The following SLC16A7 variants were observed in gnomAD, a reference collection of about 807,000 sequenced individuals.
SLC16A7 encodes monocarboxylate transporter 2.
A neutral mutation model predicts 34.9 loss-of-function variants in SLC16A7; 33 were observed. That is an observed-to-expected ratio of 0.94 (90% CI 0.72 to 1.26). SLC16A7 has a LOEUF of 1.26. Among genes scored for constraint, SLC16A7 ranks in the 50% most tolerant of loss-of-function variants. SLC16A7 has a pLI of 0.00. For synonymous variants in SLC16A7, 201 were observed against 206.6 expected (o/e 0.97, Z 0.23); for missense variants, 573 against 578.1 (o/e 0.99, Z 0.09).
At chr12:59,616,169 T>C (rs964757205) in intron 1 of SLC16A7, among the ~76,000 whole-genome samples, 2 of 152,202 alleles carry the variant, frequency 1.3e-5, no homozygotes, top group Non-Finnish European at 2.9e-5. Context: ...AGTAGGTGTT[T>C]TATTGTACAG....
intron 2 of SLC16A7, among the ~76,000 whole-genome samples, chr12:59,682,247 A>G (rs1565646436): frequency 1.3e-5 from 2 of 152,344 alleles, no homozygotes; most frequent in East Asian, 3.9e-4. Context: ...TGCATGAATA[A>G]CAAACTACAT....
chr12:59,650,408 A>G (rs1868322746), intron 1 of SLC16A7, among the ~76,000 whole-genome samples: 1 of 152,142 alleles, frequency 6.6e-6, no homozygotes, highest in Non-Finnish European at 1.5e-5. Context: ...TATTTCTTCT[A>G]ACTGGTATTG....
chr12:59,743,241 A>T (rs1274114286), intron 3 of SLC16A7, among the ~76,000 whole-genome samples: 1 of 152,196 alleles, frequency 6.6e-6, no homozygotes, highest in Admixed American at 6.5e-5. Flanking sequence ...CAAAAGGCAA[A>T]CTTTGTAAAT....
At chr12:59,772,173 C>T (rs1007885452) in intron 4 of SLC16A7, among the ~76,000 whole-genome samples, 4 of 152,106 alleles carry the variant, frequency 2.6e-5, no homozygotes, top group Non-Finnish European at 5.9e-5. Flanking sequence ...TATTTACACT[C>T]ATGTAATCTT....
At chr12:59,760,352 T>C (rs1258171010) in intron 3 of SLC16A7, among the ~76,000 whole-genome samples, 1 of 152,078 alleles carries the variant, frequency 6.6e-6, no homozygotes, top group Non-Finnish European at 1.5e-5. Flanking sequence ...AAGTGACCTA[T>C]AAAAGTGCAG....
intron 3 of SLC16A7, among the ~76,000 whole-genome samples, chr12:59,706,192 A>G (rs1057029624): frequency 6.6e-6 from 1 of 152,182 alleles, no homozygotes; most frequent in African/African-American, 2.4e-5. Context: ...TGACAAAGCC[A>G]GATCTGGCCC....
intron 2 of SLC16A7, among the ~76,000 whole-genome samples, chr12:59,701,126 C>T (rs1872825244): frequency 6.6e-6 from 1 of 151,730 alleles, no homozygotes; most frequent in South Asian, 2.1e-4. Context: ...AAGATCTTCA[C>T]TCATCTTCAT....
chr12:59,776,543 T>C (rs919111162), intron 5 of SLC16A7, among the ~76,000 whole-genome samples: 2 of 152,220 alleles, frequency 1.3e-5, no homozygotes, highest in African/African-American at 4.8e-5. Context: ...GTCAGAGTCA[T>C]TGCCAGGCTA....
Position 59,702,962 on chromosome 12 carries a change from A to C in SLC16A7, c.-30-1810A>C, listed in dbSNP as rs11173117. On this transcript the variant is annotated intron_variant, in intron 2 of 5. Coordinates refer to ENST00000547379, the MANE Select transcript of SLC16A7 (RefSeq NM_001270623.2). The stretch of plus-strand genomic sequence containing the variant: ...ATCTCTGAAATTTGTCACATTTAAA[A>C]AATAGAAAAAATACCTTAAAAGGCT... Among the ~76,000 whole-genome samples, 917 of 152,216 alleles carry C rather than the reference A, an allele frequency of 6.0e-3. 3 individuals are homozygous for C. Among genetic ancestry groups the C allele is most frequent in the Middle Eastern group, 0.014 (4 of 294 alleles).
chr12:59,685,726 G>A (rs1411838278), intron 2 of SLC16A7, among the ~76,000 whole-genome samples: 4 of 152,020 alleles, frequency 2.6e-5, no homozygotes, highest in Non-Finnish European at 4.4e-5. Flanking sequence ...TTTTATATTT[G>A]AATATACAAT....
chr12:59,786,922 T>C lies in SLC16A7; in HGVS notation c.*7243T>C, dbSNP rs1394903702. The C allele has an allele frequency of 6.6e-6, 1 of 152,160 alleles. No homozygotes were observed. The highest frequency in any genetic ancestry group is 2.4e-5 in the African/African-American group (1 of 41,468). 9.4% of individuals were successfully genotyped at this position (152,160 alleles called of 1,614,324 possible). ...ATAGTTTATAGCCCAAATGAATATATTTTTCCAATCATGGTTTGCAAAATC... is the reference window on the plus strand; with the variant it reads ...ATAGTTTATAGCCCAAATGAATATACTTTTCCAATCATGGTTTGCAAAATC... On this transcript the variant is annotated 3_prime_UTR_variant, in exon 6 of 6. Transcript: ENST00000547379.
At chr12:59,664,733 A>G (rs1370361863) in intron 2 of SLC16A7, 1 of 152,206 alleles carries the variant, frequency 6.6e-6, no homozygotes, top group Non-Finnish European at 1.5e-5. Flanking sequence ...TCTGAAAAGT[A>G]TGAACTAATA....
rs542625653 is a variant in SLC16A7, at chr12:59,789,509, A to G, written c.*9830A>G. On this transcript the variant is annotated 3_prime_UTR_variant, in exon 6 of 6. Coordinates refer to ENST00000547379, the MANE Select transcript of SLC16A7 (RefSeq NM_001270623.2). ...GGAAATGTCGACAATCATTTTAATG[A>G]CCAAAGGTGCTACTTATTTTTCAAC... 6.6e-6 allele frequency: 1 copy of G among 152,258 alleles called. No individual in the cohort carries two copies. The highest frequency in any genetic ancestry group is 2.4e-5 in the African/African-American group (1 of 41,560). 9.4% of individuals were successfully genotyped at this position (152,258 alleles called of 1,614,324 possible).
intron 2 of SLC16A7, among the ~76,000 whole-genome samples, chr12:59,683,148 A>G (rs540450953): frequency 3.1e-4 from 47 of 152,356 alleles, no homozygotes; most frequent in Non-Finnish European, 6.0e-4. Context: ...AAATTTCTCA[A>G]ATCTACCAAT....
rs952380570 is a variant in SLC16A7 at position 59,693,471 on chromosome 12, G to A, written c.-30-11301G>A. Reference sequence around the variant, plus strand: ...TATGTGTTACATATTTTTCTCCATAGTTTAATCAACCCGTATTGATTCTAA... The same window carrying A: ...TATGTGTTACATATTTTTCTCCATAATTTAATCAACCCGTATTGATTCTAA... On this transcript the variant is annotated intron_variant, in intron 2 of 5. Transcript: ENST00000547379. Among the ~76,000 whole-genome samples the A allele has an allele frequency of 2.6e-5, 4 of 151,802 alleles. No individual in the cohort carries two copies. The South Asian group carries it at 8.3e-4, about 31-fold the overall frequency.
chr12:59,669,501 G>A (rs1869491650), intron 2 of SLC16A7, among the ~76,000 whole-genome samples: 1 of 152,080 alleles, frequency 6.6e-6, no homozygotes, highest in Non-Finnish European at 1.5e-5. Flanking sequence ...TGTGGCCATT[G>A]AATATTCACA....
At chr12:59,619,358 G>A (rs1879598540) in intron 1 of SLC16A7, among the ~76,000 whole-genome samples, 1 of 151,994 alleles carries the variant, frequency 6.6e-6, no homozygotes, top group African/African-American at 2.4e-5. Flanking sequence ...CTGAATCCAT[G>A]AAAAGTGATT....
intron 1 of SLC16A7, among the ~76,000 whole-genome samples, chr12:59,620,442 C>G (rs1879649085): frequency 2.0e-5 from 3 of 151,926 alleles, no homozygotes; most frequent in Admixed American, 2.0e-4. Flanking sequence ...TAGGTATCAA[C>G]CAATTGACCT....
At position 59,767,876 on chromosome 12, in the gene SLC16A7, A is replaced by T. The variant is rs538915123; in HGVS notation, c.218-3343A>T. ...CCAATCACCGCATGTTCTCACTCAT[A>T]GGTGGGAATTGAACAATGAGAACAC... On this transcript the variant is annotated intron_variant, in intron 3 of 5. Coordinates refer to ENST00000547379, the MANE Select transcript of SLC16A7 (RefSeq NM_001270623.2). 3.5e-5 allele frequency among the ~76,000 whole-genome samples: 5 copies of T among 143,148 alleles called. No homozygotes were observed. The South Asian group carries it at 1.2e-3, about 33-fold the overall frequency. The allele number at this position is 143,148 out of a possible 152,430, so 93.9% of individuals were successfully genotyped here.
Sources: allele counts gnomAD v4.1 joint callset (sites outside exome capture counted in the v4.1 genomes callset), GRCh38; gene constraint gnomAD v4.1.1; transcripts MANE v1.5; gene names NCBI Gene and HGNC (gene_info 2026-07-23, HGNC 2026-07-21).